MEP1A: variants seen among roughly 807,000 people sequenced by gnomAD.
MEP1A encodes the protein meprin A subunit alpha, also known as N-benzoyl-L-tyrosyl-P-amino-benzoic acid hydrolase subunit alpha.
Under a neutral mutation model 84.5 loss-of-function variants are expected in MEP1A, and 68 were observed. The observed-to-expected ratio is 0.80, with a 90% CI of 0.66 to 0.98. The LOEUF is 0.98. Ranked by LOEUF, MEP1A falls within the 50% of genes least tolerant of loss-of-function variation. MEP1A has a pLI of 0.00. For missense variants in MEP1A, 887 were observed against 919.9 expected (o/e 0.96, Z 0.46); for synonymous variants, 337 against 336.8 (o/e 1.00, Z -0.01).
intron 7 of MEP1A, among the ~76,000 whole-genome samples, chr6:46,821,750 A>G (rs1362381135): frequency 6.6e-6 from 1 of 152,198 alleles, no homozygotes; most frequent in Non-Finnish European, 1.5e-5. Context: ...GCCAGGGTCA[A>G]GTGCAGACTT....
Position 46,825,314 on chromosome 6 carries a change from C to G in MEP1A, c.599C>G (p.Thr200Arg). 6.2e-7 allele frequency: 1 copy of G among 1,613,454 alleles called. No individual in the cohort carries two copies. Among genetic ancestry groups the G allele is most frequent in the Non-Finnish European group, 8.5e-7 (1 of 1,179,708 alleles). The change falls in exon 8 of 14, where the codon ACA becomes AGA. Residue 200 changes from threonine (T) to arginine (R), a missense_variant. Transcript: ENST00000230588. ...GACACCTATGATGATAGCTTAATCA[C>G]AGACCTCAATACACCCTATGATTAT... ...NFDTYDDSLI[T>R]DLNTPYDYES... is the part of the protein sequence containing the mutation.
chr6:46,818,971 A>G lies in MEP1A; in HGVS notation c.381-558A>G, dbSNP rs184900509. On this transcript the variant is annotated intron_variant, in intron 6 of 13. Transcript: ENST00000230588. ...CAAAACCCTGTCTCTACAAAAAAATAAAAACATTATCTGCCTGTGGTTCCA... is the reference window on the plus strand; with the variant it reads ...CAAAACCCTGTCTCTACAAAAAAATGAAAACATTATCTGCCTGTGGTTCCA... Among the ~76,000 whole-genome samples, 296 of 79,284 alleles carry G rather than the reference A, an allele frequency of 3.7e-3. 2 individuals carry two copies. The highest frequency in any genetic ancestry group is 0.015 in the African/African-American group (286 of 18,542). The allele number at this position is 79,284 out of a possible 152,430, so 52.0% of individuals were successfully genotyped here. A position where few individuals can be genotyped will look rare whatever the true frequency, so the allele number is the denominator to read the frequency against.
chr6:46,819,277 T>C (rs1413453406), intron 6 of MEP1A, among the ~76,000 whole-genome samples: 1 of 152,196 alleles, frequency 6.6e-6, no homozygotes, highest in Admixed American at 6.5e-5. Flanking sequence ...ATAGGATTGA[T>C]TTGCTTCTGA....
At chr6:46,834,414 T>C (rs543834657) in intron 11 of MEP1A, among the ~76,000 whole-genome samples, 164 bp from the exon 12 acceptor site, 1 of 151,168 alleles carries the variant, frequency 6.6e-6, no homozygotes, top group Admixed American at 6.6e-5. Flanking sequence ...CTAATTTTTT[T>C]CCAACACTTT....
intron 3 of MEP1A, among the ~76,000 whole-genome samples, chr6:46,797,915 CTTCCTTCCTTCCTTCT>C (rs1459243777): frequency 4.1e-4 from 12 of 28,964 alleles, no homozygotes; most frequent in Non-Finnish European, 7.1e-4. Flanking sequence ...TCCTTCCTTC[CTTCCTTCCTTCCTTCT>C]TTCCTTCCTT....
intron 13 of MEP1A, among the ~76,000 whole-genome samples, chr6:46,836,686 T>C (rs1308235517): frequency 6.6e-6 from 1 of 152,174 alleles, no homozygotes; most frequent in Admixed American, 6.5e-5. Context: ...TCACATTACA[T>C]TTAGCTTTTA....
intron 5 of MEP1A, among the ~76,000 whole-genome samples, chr6:46,807,873 C>T (rs188519695): frequency 8.6e-4 from 131 of 151,680 alleles, no homozygotes; most frequent in Admixed American, 1.8e-3. Context: ...AATGTGGCTC[C>T]TGCATTCAGA....
chr6:46,814,213 G>T (rs1461904407), intron 6 of MEP1A, among the ~76,000 whole-genome samples: 1 of 152,074 alleles, frequency 6.6e-6, no homozygotes, highest in Non-Finnish European at 1.5e-5. Context: ...GTTTAACATA[G>T]TCCAAACTTC....
chr6:46,822,570 G>A (rs759604773), intron 7 of MEP1A, among the ~76,000 whole-genome samples: 2 of 152,098 alleles, frequency 1.3e-5, no homozygotes, highest in East Asian at 3.9e-4. Flanking sequence ...TTGAGACAGA[G>A]CCTTGCTCTG....
intron 10 of MEP1A, among the ~76,000 whole-genome samples, chr6:46,830,702 G>A (rs1768057204): frequency 6.6e-6 from 1 of 152,140 alleles, no homozygotes; most frequent in African/African-American, 2.4e-5. Flanking sequence ...TGCTCTTGAA[G>A]AAGAAACCTT....
rs1336640490 is a variant in MEP1A, at chr6:46,839,034, G to A, written c.2139G>A (p.Gln713=). The change falls in exon 14 of 14, where the codon CAG becomes CAA. Residue 713 remains glutamine, a synonymous_variant. Transcript: ENST00000230588. ...FYTGERCQAV[Q]VHGSVLGMVI... ...CGGGGGAGCGCTGTCAGGCCGTGCAGGTGCACGGCAGTGTCCTGGGCATGG... is the reference window on the plus strand; with the variant it reads ...CGGGGGAGCGCTGTCAGGCCGTGCAAGTGCACGGCAGTGTCCTGGGCATGG... 3 of 1,613,320 alleles carry A rather than the reference G, an allele frequency of 1.9e-6. No homozygotes were observed. Among genetic ancestry groups the A allele is most frequent in the South Asian group, 2.2e-5 (2 of 91,050 alleles).
intron 13 of MEP1A, among the ~76,000 whole-genome samples, chr6:46,835,752 G>A (rs1266074053): frequency 6.6e-6 from 1 of 152,158 alleles, no homozygotes; most frequent in Non-Finnish European, 1.5e-5. Flanking sequence ...AGGTCACCTT[G>A]TCTCTTGACT....
rs764376752 is a variant in MEP1A at position 46,829,450 on chromosome 6, G to A, written c.1023G>A (p.Gln341=). ...GGATTCTTTACCCAAAGAGGAAGCA[G>A]CAGTGCCTGCAATTTTTCTATAAAA... ...ESRILYPKRK[Q]QCLQFFYKMT... The change falls in exon 10 of 14, where the codon CAG becomes CAA. Residue 341 remains glutamine, a synonymous_variant. Coordinates refer to ENST00000230588, the MANE Select transcript of MEP1A (RefSeq NM_005588.3). 3 of 1,614,158 alleles carry A rather than the reference G, an allele frequency of 1.9e-6. No individual in the cohort carries two copies. Among genetic ancestry groups the A allele is most frequent in the Non-Finnish European group, 1.7e-6 (2 of 1,179,990 alleles).
At chr6:46,801,971 A>G (rs1767205281) in intron 5 of MEP1A, among the ~76,000 whole-genome samples, 1 of 151,894 alleles carries the variant, frequency 6.6e-6, no homozygotes, top group African/African-American at 2.4e-5. Flanking sequence ...GTTTATCATC[A>G]TGTCAAAAAT....
At chr6:46,845,581 T>A in the MEP1A span, among the ~76,000 whole-genome samples, 1 of 152,254 alleles carries the variant, frequency 6.6e-6, no homozygotes, top group African/African-American at 2.4e-5. Flanking sequence ...TGATACCCTG[T>A]ACTGCCACAT....
rs185033929 is a variant in MEP1A at position 46,797,637 on chromosome 6, G to A, written c.146-969G>A. On this transcript the variant is annotated intron_variant, in intron 3 of 13. Coordinates refer to ENST00000230588, the MANE Select transcript of MEP1A (RefSeq NM_005588.3). ...TTACTTTGGGACAAGAGGCAGAATG[G>A]TACACTGGTAGAAAGAGCCCTGGAT... is the stretch of plus-strand genomic sequence containing the variant. Among the ~76,000 whole-genome samples, 11 of 152,214 alleles carry A rather than the reference G, an allele frequency of 7.2e-5. No homozygotes were observed. The East Asian group carries it at 1.9e-3, about 27-fold the overall frequency.
chr6:46,796,553 G>C (rs547009741), intron 3 of MEP1A, among the ~76,000 whole-genome samples: 1 of 152,166 alleles, frequency 6.6e-6, no homozygotes, highest in Admixed American at 6.5e-5. Flanking sequence ...CCCCAATCAA[G>C]AGAGTCATCT....
intron 5 of MEP1A, among the ~76,000 whole-genome samples, chr6:46,808,632 T>C (rs1767418505): frequency 6.6e-6 from 1 of 152,090 alleles, no homozygotes; most frequent in African/African-American, 2.4e-5. Context: ...ATCTTTGTCT[T>C]ACAATGCCAA....
At chr6:46,805,464 A>G (rs1767291379) in intron 5 of MEP1A, among the ~76,000 whole-genome samples, 1 of 151,962 alleles carries the variant, frequency 6.6e-6, no homozygotes, top group Admixed American at 6.6e-5. Context: ...CTTATAAAAT[A>G]TCTGCTCTGT....
Sources: allele counts gnomAD v4.1 joint callset (sites outside exome capture counted in the v4.1 genomes callset), GRCh38; gene constraint gnomAD v4.1.1; transcripts MANE v1.5; gene names NCBI Gene and HGNC (gene_info 2026-07-23, HGNC 2026-07-21).